The following C1QL4 variants were observed in gnomAD, a reference collection of about 807,000 sequenced individuals.
C1QL4 encodes the protein complement C1q like 4.
A neutral mutation model predicts 13.4 loss-of-function variants in C1QL4; 5 were observed. The observed-to-expected ratio is 0.37, with a 90% confidence interval of 0.19 to 0.78. The LOEUF is 0.78. C1QL4 is among the 30% of genes least tolerant of loss of function. The pLI is 0.47. For synonymous variants in C1QL4, 168 were observed against 153.9 expected (o/e 1.09, Z -0.68); for missense variants, 367 against 361.6 (o/e 1.01, Z -0.12).
intron 1 of C1QL4, among the ~76,000 whole-genome samples, chr12:49,335,480 C>T (rs766373076): frequency 6.6e-6 from 1 of 152,248 alleles, no homozygotes; most frequent in Non-Finnish European, 1.5e-5. Context: ...CTTCCTATTG[C>T]CTGAGACATG....
chr12:49,334,882 C>T (rs961163333), intron 1 of C1QL4, among the ~76,000 whole-genome samples: 11 of 152,316 alleles, frequency 7.2e-5, no homozygotes, highest in South Asian at 2.1e-4. Flanking sequence ...AAGCAGGTCT[C>T]GGGGCAGGTA....
Position 49,333,099 on chromosome 12 carries a change from G to T in C1QL4, c.672C>A (p.Thr224=). The T allele has an allele frequency of 6.2e-7, 1 of 1,614,094 alleles. No homozygotes were observed. Among genetic ancestry groups the T allele is most frequent in the Non-Finnish European group, 8.5e-7 (1 of 1,179,966 alleles). ...AGCCGGAGAAGGTGCTGTACTTGTT[G>T]GTGTTGCCGCCGTGCACTTTCCCGC... ...LDGGKVHGGN[T]NKYSTFSGFI... is the part of the protein sequence containing the mutation. The change falls in exon 2 of 2, where the codon ACC becomes ACA. Residue 224 remains threonine (T), a synonymous_variant. Transcript: ENST00000334221.
rs1443702143 is a variant in C1QL4, at chr12:49,333,025, G to A, written c.*29C>T. On this transcript the variant is annotated 3_prime_UTR_variant, in exon 2 of 2. Coordinates refer to ENST00000334221, the MANE Select transcript of C1QL4 (RefSeq NM_001008223.2). Reference sequence around the variant, plus strand: ...AGGTGGGTGAGGACGGGAGAGAAGGGGCGAGCGGGGGCACGGGGCGGGGCC... The same window carrying A: ...AGGTGGGTGAGGACGGGAGAGAAGGAGCGAGCGGGGGCACGGGGCGGGGCC... The A allele has an allele frequency of 6.3e-7, 1 of 1,580,502 alleles. No individual in the cohort carries two copies. The highest frequency in any genetic ancestry group is 8.6e-7 in the Non-Finnish European group (1 of 1,162,472).
At chr12:49,334,494 C>A (rs539254959) in intron 1 of C1QL4, among the ~76,000 whole-genome samples, 3 of 152,346 alleles carry the variant, frequency 2.0e-5, no homozygotes, top group Admixed American at 2.0e-4. Flanking sequence ...CCTTCAGCCC[C>A]CCTCTTCTAG....
In C1QL4 at chr12:49,333,005, G is replaced by C. The variant is rs1481563786; in HGVS notation, c.*49C>G. The C allele has an allele frequency of 1.3e-6, 2 of 1,534,196 alleles. No homozygotes were observed. Among genetic ancestry groups the C allele is most frequent in the Non-Finnish European group, 1.8e-6 (2 of 1,133,992 alleles). ...CCTCGGGTGGGGCGGGCAGGAGGTG[G>C]GTGAGGACGGGAGAGAAGGGGCGAG... is the stretch of plus-strand genomic sequence containing the variant. On this transcript the variant is annotated 3_prime_UTR_variant, in exon 2 of 2. Coordinates refer to ENST00000334221, the MANE Select transcript of C1QL4 (RefSeq NM_001008223.2).
intron 1 of C1QL4, among the ~76,000 whole-genome samples, chr12:49,334,842 C>T (rs1943619534): frequency 6.6e-6 from 1 of 152,134 alleles, no homozygotes; most frequent in African/African-American, 2.4e-5. Flanking sequence ...CCCCGGGTTC[C>T]TGGGGCAGCC....
intron 1 of C1QL4, 107 bp from the exon 2 acceptor site, chr12:49,333,340 G>A: frequency 8.5e-7 from 1 of 1,180,964 alleles, no homozygotes; most frequent in East Asian, 2.6e-5. Flanking sequence ...CGCAGGGGCT[G>A]GGGAGGACCA....
chr12:49,336,944 C>A lies in C1QL4; in HGVS notation c.-467G>T. On this transcript the variant is annotated 5_prime_UTR_variant, in exon 1 of 2. The change creates a new upstream start codon in the 5' untranslated region. Transcript: ENST00000334221. This position sits in a 1 kb window ranked among gnomAD's most constrained non-coding sequence, Gnocchi z 7.7. ...CCAGACTGCCCAGATAGACCACTCC[C>A]TGATGGAGAGGGGACTGCTCCCCGC... 1 of 156,534 alleles carries A rather than the reference C, an allele frequency of 6.4e-6. No homozygotes were observed. 9.7% of individuals were successfully genotyped at this position (156,534 alleles called of 1,614,324 possible).
Position 49,336,090 on chromosome 12 carries a change from C to T in C1QL4, c.388G>A (p.Asp130Asn). ...HEGYEVLRFD[D>N]VVTNVGNAYE... Reference sequence around the variant, plus strand: ...GCGTTGCCCACGTTGGTCACCACGTCGTCGAAGCGCAGCACCTCGTAACCC... The same window carrying T: ...GCGTTGCCCACGTTGGTCACCACGTTGTCGAAGCGCAGCACCTCGTAACCC... Residue 130 changes from aspartate (D) to asparagine (N), a missense_variant, in exon 1 of 2, where the codon GAC (aspartate) becomes AAC (asparagine). Physicochemically the swap from Asp to Asn is conservative, Grantham distance 23. Coordinates refer to ENST00000334221, the MANE Select transcript of C1QL4 (RefSeq NM_001008223.2). This position sits in a 1 kb window ranked among gnomAD's most constrained non-coding sequence, Gnocchi z 7.7. The T allele has an allele frequency of 1.9e-6, 3 of 1,612,418 alleles. No individual in the cohort carries two copies. Among genetic ancestry groups the T allele is most frequent in the Non-Finnish European group, 2.5e-6 (3 of 1,179,966 alleles).
chr12:49,333,166 A>G lies in C1QL4; in HGVS notation c.605T>C (p.Leu202Pro). 6.2e-7 allele frequency: 1 copy of G among 1,614,172 alleles called. No homozygotes were observed. Among genetic ancestry groups the G allele is most frequent in the South Asian group, 1.1e-5 (1 of 91,084 alleles). The change falls in exon 2 of 2, where the codon CTG becomes CCG. Residue 202 changes from leucine (L) to proline (P), a missense_variant. Physicochemically the swap from Leu to Pro is moderately conservative, Grantham distance 98. Coordinates refer to ENST00000334221, the MANE Select transcript of C1QL4 (RefSeq NM_001008223.2). The part of the protein sequence containing the change: ...NYDYASNSVI[L>P]HLDVGDEVFI... ...GACCTCGTCGCCCACGTCCAGGTGC[A>G]GAATGACGCTGTTGCTGGCGTAGTC...
At chr12:49,335,017 GCACCTTCTCCCACCTACC>G (rs1943621355) in intron 1 of C1QL4, among the ~76,000 whole-genome samples, 1 of 152,204 alleles carries the variant, frequency 6.6e-6, no homozygotes, top group South Asian at 2.1e-4. Context: ...TGCAGCTCTG[GCACCTTCTCCCACCTACC>G]CCACACCTGC....
At chr12:49,335,111 A>C (rs1189352067) in intron 1 of C1QL4, among the ~76,000 whole-genome samples, 1 of 152,232 alleles carries the variant, frequency 6.6e-6, no homozygotes, top group Admixed American at 6.5e-5. Context: ...CTATTCCCCG[A>C]AAACAGAGGC....
Position 49,336,391 on chromosome 12 carries a change from G to T in C1QL4, c.87C>A (p.Arg29=). The T allele has an allele frequency of 2.0e-6, 3 of 1,501,576 alleles. No individual in the cohort carries two copies. The highest frequency in any genetic ancestry group is 2.6e-6 in the Non-Finnish European group (3 of 1,142,108). 93.0% of individuals were successfully genotyped at this position (1,501,576 alleles called of 1,614,324 possible). A position where few individuals can be genotyped will look rare whatever the true frequency, so the allele number is the denominator to read the frequency against. The stretch of plus-strand genomic sequence containing the variant: ...GGGGCCCATGCGGGTCGCACACCAT[G>T]CGGCAGCGACCCAGCATCTCGTAGT... ...PAHYEMLGRC[R]MVCDPHGPRG... Residue 29 remains arginine (R), a synonymous_variant, in exon 1 of 2, where the codon CGC becomes CGA. Transcript: ENST00000334221. This position sits in a 1 kb window ranked among gnomAD's most constrained non-coding sequence, Gnocchi z 7.7.
Position 49,333,123 on chromosome 12 carries a change from G to C in C1QL4, c.648C>G (p.Gly216=). The change falls in exon 2 of 2, where the codon GGC becomes GGG. Residue 216 remains glycine, a synonymous_variant. Coordinates refer to ENST00000334221, the MANE Select transcript of C1QL4 (RefSeq NM_001008223.2). ...TGGTGTTGCCGCCGTGCACTTTCCC[G>C]CCGTCCAGCTTGATGAAGACCTCGT... is the stretch of plus-strand genomic sequence containing the variant. ...VGDEVFIKLD[G]GKVHGGNTNK... The C allele has an allele frequency of 6.2e-7, 1 of 1,614,122 alleles. No individual in the cohort carries two copies. The highest frequency in any genetic ancestry group is 8.5e-7 in the Non-Finnish European group (1 of 1,179,982).
chr12:49,332,898 C>T lies in C1QL4; in HGVS notation c.*156G>A, dbSNP rs138716314. 1,794 of 747,976 alleles carry T rather than the reference C, an allele frequency of 2.4e-3. 25 individuals are homozygous for T. The African/African-American group carries it at 0.028, about 12-fold the overall frequency. The allele number at this position is 747,976 out of a possible 1,614,324, so 46.3% of individuals were successfully genotyped here. A position where few individuals can be genotyped will look rare whatever the true frequency, so the allele number is the denominator to read the frequency against. Reference sequence around the variant, plus strand: ...CTTCCCGGCCACTTATACCCTTGAGCACCAAGAGTTCGCCCATTTAGGCCG... The same window carrying T: ...CTTCCCGGCCACTTATACCCTTGAGTACCAAGAGTTCGCCCATTTAGGCCG... On this transcript the variant is annotated 3_prime_UTR_variant, in exon 2 of 2. Coordinates refer to ENST00000334221, the MANE Select transcript of C1QL4 (RefSeq NM_001008223.2).
chr12:49,335,658 A>G (rs1448958200), intron 1 of C1QL4, among the ~76,000 whole-genome samples: 3 of 152,220 alleles, frequency 2.0e-5, no homozygotes, highest in East Asian at 1.9e-4. Flanking sequence ...GGTGTTGCCC[A>G]TAGTTGCAAT....
At chr12:49,333,747 A>G (rs1198758445) in intron 1 of C1QL4, among the ~76,000 whole-genome samples, 2 of 151,490 alleles carry the variant, frequency 1.3e-5, no homozygotes, top group South Asian at 2.1e-4. Flanking sequence ...TGTGTTGGCC[A>G]GGCTGGTCTC....
chr12:49,334,731 T>C (rs1272827576), intron 1 of C1QL4, among the ~76,000 whole-genome samples: 1 of 152,048 alleles, frequency 6.6e-6, no homozygotes, highest in Non-Finnish European at 1.5e-5. Context: ...CATATACAGA[T>C]AGACACCGCT....
rs771733570 is a variant in C1QL4, at chr12:49,335,988, C to T, written c.490G>A (p.Gly164Ser). 2.9e-5 allele frequency: 47 copies of T among 1,609,538 alleles called. No individual in the cohort carries two copies. Among genetic ancestry groups the T allele is most frequent in the Admixed American group, 6.7e-5 (4 of 59,646 alleles). ...GCCCACATGCTGGTGCCGTCGCCGC[C>T]GCGCATGAGCACGTGGTAAGCGAAG... The part of the protein sequence containing the change: ...YFFAYHVLMR[G>S]GDGTSMWADL... The change falls in exon 1 of 2, where the codon GGC (glycine) becomes AGC (serine). Residue 164 changes from glycine (G) to serine (S), a missense_variant. Gly to Ser is a moderately conservative substitution (Grantham distance 56). Transcript: ENST00000334221.
Sources: gnomAD v4.1 joint callset for allele counts (sites outside exome capture counted in the v4.1 genomes callset) on GRCh38, gnomAD v4.1.1 for gene constraint, Gnocchi (gnomAD v3.1) non-coding constraint, MANE v1.5 for transcripts, NCBI Gene and HGNC (gene_info 2026-07-23, HGNC 2026-07-21) for gene names.